The following FBN1 variants were observed in gnomAD, a reference collection of about 807,000 sequenced individuals.
FBN1 encodes the protein fibrillin 1, also known as fibrillin-1.
In FBN1, 29 loss-of-function variants were observed where a neutral mutation model predicts 365.1. The ratio of observed to expected loss-of-function variants is 0.08; its 90% CI spans 0.06 to 0.11. FBN1 has a LOEUF of 0.11. Among genes scored for constraint, FBN1 ranks in the 10% least tolerant of loss-of-function variants. The probability of loss-of-function intolerance (pLI) is 1.00; values close to 1 mark genes in which losing one functional copy is unlikely to be tolerated. For missense variants in FBN1, 2,476 were observed against 3,703.2 expected, an observed-to-expected ratio of 0.67 and a Z score of 8.60; for synonymous variants, 1,210 against 1,270.5, an observed-to-expected ratio of 0.95 and a Z score of 1.01.
At chr15:48,493,673 G>C (rs145085972) in intron 23 of FBN1, among the ~76,000 whole-genome samples, 34 of 152,270 alleles carry the variant, frequency 2.2e-4, no homozygotes, top group Non-Finnish European at 4.4e-4. Flanking sequence ...GGGACTAATT[G>C]CTGTTTTTAA....
In FBN1 at chr15:48,444,653, A is replaced by G. The variant is rs1555395667; in HGVS notation, c.5925T>C (p.Asn1975=). The stretch of plus-strand genomic sequence containing the variant: ...ATTTTCTGGGTTCTAGAAGACATTC[A>G]TTGATATCTGCAAAGAAAAGGGAAA... The part of the protein sequence containing the change: ...APDGRTCVDI[N]ECLLEPRKCA... Residue 1975 remains asparagine (N), a synonymous_variant, in exon 49 of 66, where the codon AAT becomes AAC. Coordinates refer to ENST00000316623, the MANE Select transcript of FBN1 (RefSeq NM_000138.5). 9.9e-6 allele frequency: 16 copies of G among 1,613,482 alleles called. No individual in the cohort carries two copies. Among genetic ancestry groups the G allele is most frequent in the South Asian group, 3.3e-5 (3 of 91,082 alleles).
rs2043466994 is a variant in FBN1, at chr15:48,481,749, G to A, written c.3870C>T (p.Ile1290=). ...TGTTTTCACAGGTCCCACTTAGGCA[G>A]ATATTTGGATTCAGGTCACACTCAT... is the stretch of plus-strand genomic sequence containing the variant. ...DVNECDLNPN[I]CLSGTCENTK... is the part of the protein sequence containing the mutation. Residue 1290 remains isoleucine (I), a synonymous_variant, in exon 32 of 66, where the codon ATC becomes ATT. Transcript: ENST00000316623. The A allele has an allele frequency of 2.5e-6, 4 of 1,613,644 alleles. No individual in the cohort carries two copies. Among genetic ancestry groups the A allele is most frequent in the African/African-American group, 2.7e-5 (2 of 75,014 alleles).
At chr15:48,511,066 G>A (rs76987499) in intron 13 of FBN1, among the ~76,000 whole-genome samples, 2,530 of 152,286 alleles carry the variant, frequency 0.017, 60 homozygotes, top group African/African-American at 0.058. Flanking sequence ...AGTTGGATGC[G>A]AGCATTCCTA....
Position 48,430,689 on chromosome 15 carries a change from C to G in FBN1, c.6853G>C (p.Asp2285His). 6.2e-7 allele frequency: 1 copy of G among 1,613,944 alleles called. No individual in the cohort carries two copies. Among genetic ancestry groups the G allele is most frequent in the Non-Finnish European group, 8.5e-7 (1 of 1,179,876 alleles). Residue 2285 changes from aspartate to histidine, a missense_variant, in exon 56 of 66, where the codon GAT (aspartate) becomes CAT (histidine). This residue lies in a region of FBN1 where 1,780 missense variants were observed against 2,840.8 expected (regional missense o/e 0.63). Transcript: ENST00000316623. ...ICGPGYQRRP[D>H]GEGCVDENEC... The stretch of plus-strand genomic sequence containing the variant: ...CTCTTACCTACACAGCCTTCTCCAT[C>G]AGGTCTCCGCTGATACCCGGGTCCA...
intron 4 of FBN1, among the ~76,000 whole-genome samples, chr15:48,600,629 G>C (rs1014934098): frequency 3.3e-5 from 5 of 152,056 alleles, no homozygotes; most frequent in South Asian, 2.1e-4. Context: ...GCTTGAACCT[G>C]GGGGGGCAGA....
chr15:48,507,137 G>A (rs1012163565), intron 15 of FBN1, among the ~76,000 whole-genome samples: 2 of 152,186 alleles, frequency 1.3e-5, no homozygotes, highest in African/African-American at 2.4e-5. Context: ...TGGGTCAGCA[G>A]GAGCCTAGAG....
At chr15:48,469,083 T>TATATATATAAAAAATATAATATATATTAC (rs1566904901) in intron 36 of FBN1, among the ~76,000 whole-genome samples, 1 of 118,764 alleles carries the variant, frequency 8.4e-6, no homozygotes, top group East Asian at 3.5e-4. Context: ...AAAAAAAATA[T>TATATATATAAAAAATATAATATATATTAC]ATATATATAT....
At chr15:48,536,117 AAACAACAACAAC>A (rs143695848) in intron 7 of FBN1, among the ~76,000 whole-genome samples, 4 of 148,392 alleles carry the variant, frequency 2.7e-5, no homozygotes, top group Non-Finnish European at 4.4e-5. Flanking sequence ...CTCTTAGAAA[AAACAACAACAAC>A]AACAACAACA....
chr15:48,505,292 C>T, intron 15 of FBN1, 145 bp from the exon 16 acceptor site: 1 of 942,558 alleles, frequency 1.1e-6, no homozygotes, highest in Non-Finnish European at 1.7e-6. Context: ...ATGGCATTCT[C>T]ATTTTCCTTT....
rs1317432162 is a variant in FBN1 at position 48,596,147 on chromosome 15, C to G, written c.538+136G>C. The G allele has an allele frequency of 6.3e-6, 5 of 788,260 alleles. No individual in the cohort carries two copies. The Admixed American group carries it at 8.0e-5, about 13-fold the overall frequency. The allele number at this position is 788,260 out of a possible 1,614,324, so 48.8% of individuals were successfully genotyped here. On this transcript the variant is annotated intron_variant, in intron 6 of 65. Transcript: ENST00000316623. ...GCTGTCTTGTCATCCTAGGGACCTTCCCAATGACAAATGAGAAATCCCCTC... is the reference window on the plus strand; with the variant it reads ...GCTGTCTTGTCATCCTAGGGACCTTGCCAATGACAAATGAGAAATCCCCTC...
intron 56 of FBN1, among the ~76,000 whole-genome samples, chr15:48,428,690 C>G (rs2043001976): frequency 2.0e-5 from 3 of 151,908 alleles, no homozygotes. Context: ...GTTCACATGG[C>G]TCAAAATTTA....
At chr15:48,500,637 C>T (rs1458378129) in intron 17 of FBN1, among the ~76,000 whole-genome samples, 1 of 152,074 alleles carries the variant, frequency 6.6e-6, no homozygotes, top group Admixed American at 6.5e-5. Flanking sequence ...GAGCTAACTC[C>T]GCGTAGTGCC....
chr15:48,552,087 T>C (rs2044146717), intron 6 of FBN1, among the ~76,000 whole-genome samples: 1 of 152,202 alleles, frequency 6.6e-6, no homozygotes, highest in African/African-American at 2.4e-5. Context: ...CCACACTGTC[T>C]TCCACAATGG....
chr15:48,620,542 T>G (rs1044806953), intron 2 of FBN1, among the ~76,000 whole-genome samples: 1 of 152,202 alleles, frequency 6.6e-6, no homozygotes, highest in South Asian at 2.1e-4. Context: ...TAGCTCCCCA[T>G]GTTAGCATTT....
chr15:48,486,941 G>T (rs12907671), intron 29 of FBN1, 134 bp downstream of exon 29: 55 of 635,884 alleles, frequency 8.6e-5, no homozygotes, highest in Non-Finnish European at 1.1e-4. Flanking sequence ...TAAAAGTAGC[G>T]ATGAAAACAA....
In FBN1 at chr15:48,497,218, G is replaced by A. The variant is rs200418816; in HGVS notation, c.2293+48C>T. 7.3e-4 allele frequency: 1,171 copies of A among 1,612,714 alleles called. 2 individuals are homozygous for A. The highest frequency in any genetic ancestry group is 8.5e-4 in the Non-Finnish European group (1,006 of 1,178,924). On this transcript the variant is annotated intron_variant, in intron 19 of 65. Coordinates refer to ENST00000316623, the MANE Select transcript of FBN1 (RefSeq NM_000138.5). The stretch of plus-strand genomic sequence containing the variant: ...AGTTTTCTCCCAGCAATGAAAGAAG[G>A]AATGCATTATGCAGGCAATGTTTCA...
At chr15:48,584,152 G>A (rs183342934) in intron 6 of FBN1, among the ~76,000 whole-genome samples, 1 of 152,090 alleles carries the variant, frequency 6.6e-6, no homozygotes, top group East Asian at 1.9e-4. Context: ...TGTATTATGT[G>A]CCAGATCCTG....
At chr15:48,453,298 A>G (rs2043215776) in intron 44 of FBN1, among the ~76,000 whole-genome samples, 1 of 147,316 alleles carries the variant, frequency 6.8e-6, no homozygotes, top group Non-Finnish European at 1.5e-5. Context: ...AACAAACAAA[A>G]AAAAAACACA....
At chr15:48,589,154 C>G (rs1262997576) in intron 6 of FBN1, among the ~76,000 whole-genome samples, 1 of 152,210 alleles carries the variant, frequency 6.6e-6, no homozygotes, top group East Asian at 1.9e-4. Flanking sequence ...GGAAGTACCA[C>G]TGGATGCCCA....
Sources: allele counts gnomAD v4.1 joint callset (sites outside exome capture counted in the v4.1 genomes callset), GRCh38; gene constraint gnomAD v4.1.1; regional missense constraint gnomAD v4.1.1; transcripts MANE v1.5; gene names NCBI Gene and HGNC (gene_info 2026-07-23, HGNC 2026-07-21).